PFKL: variants seen among roughly 807,000 people sequenced by gnomAD.
The protein encoded by PFKL is ATP-dependent 6-phosphofructokinase, liver type.
A neutral mutation model predicts 92.1 loss-of-function variants in PFKL; 74 were observed. The observed-to-expected ratio is 0.80, with a 90% CI of 0.67 to 0.97. The LOEUF (loss-of-function observed/expected upper bound fraction) is 0.97, where lower values mean the gene tolerates loss of function less well. Ranked by LOEUF, PFKL falls within the 50% of genes least tolerant of loss-of-function variation. The pLI, the probability that PFKL is intolerant of heterozygous loss-of-function variation, is 0.00. For missense variants in PFKL, 1,028 were observed against 1,116.6 expected (o/e 0.92, Z 1.13); for synonymous variants, 494 against 456.4 (o/e 1.08, Z -1.05).
chr21:44,300,295 G>A (rs1196973308), intron 1 of PFKL, 105 bp downstream of exon 1: 30 of 418,822 alleles, frequency 7.2e-5, no homozygotes, highest in Middle Eastern at 1.1e-3. Flanking sequence ...TCTCGGGCCG[G>A]CCCGGCCTCC....
At chr21:44,301,074 G>A (rs938255632) in intron 1 of PFKL, among the ~76,000 whole-genome samples, 3 of 152,232 alleles carry the variant, frequency 2.0e-5, no homozygotes, top group African/African-American at 4.8e-5. Flanking sequence ...GTCTTTTAGA[G>A]TTCAGAAAAT....
rs369296313 is a variant in PFKL at position 44,316,258 on chromosome 21, G to A, written c.762G>A (p.Gly254=). The change falls in exon 8 of 22, where the codon GGG becomes GGA. Residue 254 remains glycine, a synonymous_variant. Transcript: ENST00000349048. ...CERLGETRSR[G]SRLNIIIIAE... is the part of the protein sequence containing the mutation. Reference sequence around the variant, plus strand: ...CTTTGACCCAGACTCGGAGCCGTGGGTCCCGACTGAACATCATCATCATCG... The same window carrying A: ...CTTTGACCCAGACTCGGAGCCGTGGATCCCGACTGAACATCATCATCATCG... 6.2e-7 allele frequency: 1 copy of A among 1,613,102 alleles called. No homozygotes were observed. Among genetic ancestry groups the A allele is most frequent in the Non-Finnish European group, 8.5e-7 (1 of 1,179,950 alleles).
chr21:44,319,344 C>T lies in PFKL; in HGVS notation c.1063-7C>T, dbSNP rs1418751130. 10 of 1,612,810 alleles carry T rather than the reference C, an allele frequency of 6.2e-6. No homozygotes were observed. The highest frequency in any genetic ancestry group is 1.7e-5 in the Admixed American group (1 of 59,982). ...CCATAGTCTGTGTTCTGTTTCTCTTCCTTAAGACCAAGGAAGTGCAGAAAG... is the reference window on the plus strand; with the variant it reads ...CCATAGTCTGTGTTCTGTTTCTCTTTCTTAAGACCAAGGAAGTGCAGAAAG... On this transcript the variant is annotated splice_region_variant and splice_polypyrimidine_tract_variant and intron_variant, in intron 10 of 21. Transcript: ENST00000349048.
intron 2 of PFKL, among the ~76,000 whole-genome samples, chr21:44,308,302 G>A (rs1046287441): frequency 2.0e-5 from 3 of 152,176 alleles, no homozygotes; most frequent in Non-Finnish European, 4.4e-5. Flanking sequence ...CTGCTGCCTA[G>A]TGGGCTTTAG....
Position 44,300,112 on chromosome 21 carries a change from GC to G in PFKL, c.8del (p.Ala3GlyfsTer19). Reference protein sequence around the residue: MAAVDLEKLRASG... With the variant: MAXVDLEKLRASG... Reference sequence around the variant, plus strand: ...CCGTGTTTCGGCCGCCGCCATGGCCGCGGTGGACCTGGAGAAGCTGCGGGCG... The same window carrying G: ...CCGTGTTTCGGCCGCCGCCATGGCCGGGTGGACCTGGAGAAGCTGCGGGCG... On this transcript the variant is annotated frameshift_variant, in exon 1 of 22. Coordinates refer to ENST00000349048, the MANE Select transcript of PFKL (RefSeq NM_002626.6). LOFTEE classifies it high-confidence loss of function. 8.6e-7 allele frequency: 1 copy of G among 1,164,224 alleles called. No individual in the cohort carries two copies. 72.1% of individuals were successfully genotyped at this position (1,164,224 alleles called of 1,614,324 possible). A position where few individuals can be genotyped will look rare whatever the true frequency, so the allele number is the denominator to read the frequency against.
chr21:44,303,455 A>AAAG (rs1181034322), intron 1 of PFKL, among the ~76,000 whole-genome samples: 3 of 131,228 alleles, frequency 2.3e-5, no homozygotes, highest in Non-Finnish European at 4.9e-5. Context: ...AAAAAAAAAA[A>AAAG]TGGCCCGGCC....
Position 44,308,718 on chromosome 21 carries a change from C to T in PFKL, c.159+1964C>T, listed in dbSNP as rs578192175. Among the ~76,000 whole-genome samples, 5 of 152,188 alleles carry T rather than the reference C, an allele frequency of 3.3e-5. No homozygotes were observed. The East Asian group carries it at 9.7e-4, about 29-fold the overall frequency. Reference sequence around the variant, plus strand: ...CTGGGATTACAGGCACCCACCACCACGCCCAGCTGTTTTTTGTATTTTTAG... The same window carrying T: ...CTGGGATTACAGGCACCCACCACCATGCCCAGCTGTTTTTTGTATTTTTAG... On this transcript the variant is annotated intron_variant, in intron 2 of 21. Coordinates refer to ENST00000349048, the MANE Select transcript of PFKL (RefSeq NM_002626.6).
At chr21:44,305,750 A>G in intron 1 of PFKL, 2 of 1,358,060 alleles carry the variant, frequency 1.5e-6, no homozygotes, top group Non-Finnish European at 2.0e-6. Context: ...GGGGTACATT[A>G]GCACCAGCGT....
chr21:44,313,988 C>T lies in PFKL; in HGVS notation c.714C>T (p.Gly238=). 1 of 1,607,488 alleles carries T rather than the reference C, an allele frequency of 6.2e-7. No individual in the cohort carries two copies. The highest frequency in any genetic ancestry group is 8.5e-7 in the Non-Finnish European group (1 of 1,178,160). The change falls in exon 7 of 22, where the codon GGC becomes GGT. Residue 238 remains glycine, a synonymous_variant. Coordinates refer to ENST00000349048, the MANE Select transcript of PFKL (RefSeq NM_002626.6). The stretch of plus-strand genomic sequence containing the variant: ...TCCCCGAGGCTCCACCCGAGGACGG[C>T]TGGGAGAACTTCATGTGTGAGAGGC... The part of the protein sequence containing the change: ...LFIPEAPPED[G]WENFMCERLG...
chr21:44,306,171 A>G (rs2040936692), intron 1 of PFKL, among the ~76,000 whole-genome samples: 1 of 75,804 alleles, frequency 1.3e-5, no homozygotes, highest in African/African-American at 5.6e-5. Flanking sequence ...CACCTGCCCC[A>G]CTTTTTATCC....
chr21:44,326,669 C>T (rs1463061632), intron 21 of PFKL, 46 bp from the exon 22 acceptor site: 101 of 1,593,558 alleles, frequency 6.3e-5, no homozygotes, highest in Non-Finnish European at 8.4e-5. Flanking sequence ...GAAGAGCTGC[C>T]CTGACCCCTG....
rs1481730277 is a variant in PFKL, at chr21:44,321,876, G to C, written c.1338+1G>C. 2.3e-5 allele frequency: 36 copies of C among 1,537,034 alleles called. No homozygotes were observed. In the Admixed American group the frequency reaches 6.5e-4, roughly 28 times the overall value. On this transcript the variant is annotated splice_donor_variant, in intron 13 of 21. Coordinates refer to ENST00000349048, the MANE Select transcript of PFKL (RefSeq NM_002626.6). LOFTEE classifies it high-confidence loss of function. The stretch of plus-strand genomic sequence containing the variant: ...CTTCGAAGGCCTAGCCAAGGGTCAG[G>C]TGGGTCCGGCCGGGGCAAACAAGTG...
intron 11 of PFKL, 119 bp downstream of exon 11, chr21:44,319,534 G>T (rs1315194212): frequency 1.0e-5 from 9 of 864,054 alleles, no homozygotes; most frequent in Non-Finnish European, 1.5e-5. Context: ...CACCGCGTCT[G>T]AAGATCGAGG....
chr21:44,322,308 C>G (rs751669288), intron 14 of PFKL, 105 bp downstream of exon 14: 21 of 1,049,094 alleles, frequency 2.0e-5, no homozygotes, highest in South Asian at 6.0e-5. Flanking sequence ...GCCCTGGGCT[C>G]GGCCCCTCTT....
intron 16 of PFKL, among the ~76,000 whole-genome samples, chr21:44,324,130 T>G (rs979115834): frequency 7.9e-5 from 12 of 152,124 alleles, no homozygotes; most frequent in African/African-American, 2.9e-4. Context: ...TCCTCGCTAC[T>G]GTGATGAGCT....
intron 18 of PFKL, 45 bp downstream of exon 18, chr21:44,324,962 TCG>T: frequency 1.9e-6 from 3 of 1,543,174 alleles, no homozygotes; most frequent in Non-Finnish European, 2.6e-6. Flanking sequence ...CGTCCAACTC[TCG>T]GGGCTGGGGT....
In PFKL at chr21:44,324,857, T is replaced by C. The variant is rs775724659; in HGVS notation, c.1817T>C (p.Val606Ala). 5.6e-5 allele frequency: 90 copies of C among 1,607,370 alleles called. No individual in the cohort carries two copies. The highest frequency in any genetic ancestry group is 7.4e-5 in the Non-Finnish European group (87 of 1,177,242). The change falls in exon 18 of 22, where the codon GTC becomes GCC. Residue 606 changes from valine (V) to alanine (A), a missense_variant and splice_region_variant. Physicochemically the swap from Val to Ala is moderately conservative, Grantham distance 64. Transcript: ENST00000349048. The part of the protein sequence containing the change: ...EDPFNIHDLK[V>A]NVEHMTEKMK... Reference sequence around the variant, plus strand: ...CATCCGTGTCCGCCCCTCCCGCAGGTCAACGTGGAGCACATGACGGAGAAG... The same window carrying C: ...CATCCGTGTCCGCCCCTCCCGCAGGCCAACGTGGAGCACATGACGGAGAAG...
At chr21:44,319,123 G>C (rs534818689) in intron 10 of PFKL, among the ~76,000 whole-genome samples, 118 of 152,276 alleles carry the variant, frequency 7.7e-4, no homozygotes, top group Non-Finnish European at 1.5e-3. Flanking sequence ...GAGCTGCTGA[G>C]AGGTGAGGAG....
At position 44,327,008 on chromosome 21, in the gene PFKL, G is replaced by A; in HGVS notation, c.*146G>A. 2 of 727,472 alleles carry A rather than the reference G, an allele frequency of 2.7e-6. No individual in the cohort carries two copies. Among genetic ancestry groups the A allele is most frequent in the Non-Finnish European group, 4.5e-6 (2 of 444,352 alleles). The allele number at this position is 727,472 out of a possible 1,614,324, so 45.1% of individuals were successfully genotyped here. On this transcript the variant is annotated 3_prime_UTR_variant, in exon 22 of 22. Coordinates refer to ENST00000349048, the MANE Select transcript of PFKL (RefSeq NM_002626.6). ...CAGCCCATCCCCTGCCTCTATCCCT[G>A]GCCACCTGCCAGGCCTCCCTCGGGC...
Sources: gnomAD v4.1 joint callset for allele counts (sites outside exome capture counted in the v4.1 genomes callset) on GRCh38, gnomAD v4.1.1 for gene constraint, MANE v1.5 for transcripts, NCBI Gene and HGNC (gene_info 2026-07-23, HGNC 2026-07-21) for gene names.